STRN3: variants seen among roughly 807,000 people sequenced by gnomAD.
STRN3 encodes striatin-3.
Under a neutral mutation model 95.6 loss-of-function variants are expected in STRN3, and 29 were observed. The observed-to-expected ratio is 0.30, with a 90% CI of 0.23 to 0.41. The LOEUF (loss-of-function observed/expected upper bound fraction) is 0.41. STRN3 is among the 10% of genes least tolerant of loss of function. STRN3 has a pLI of 1.00. For synonymous variants in STRN3, 331 were observed against 357.6 expected (o/e 0.93, Z 0.84); for missense variants, 890 against 972.1 (o/e 0.92, Z 1.12).
chr14:30,971,356 G>A (rs535294001), intron 1 of STRN3, among the ~76,000 whole-genome samples: 10 of 152,112 alleles, frequency 6.6e-5, no homozygotes, highest in Non-Finnish European at 1.3e-4. Context: ...CAACTCTCAC[G>A]TCTATTTAGA....
chr14:30,911,681 T>C (rs2138989075), intron 12 of STRN3, 96 bp downstream of exon 12: 1 of 1,105,378 alleles, frequency 9.0e-7, no homozygotes, highest in Non-Finnish European at 1.3e-6. Flanking sequence ...TCTTTTCTAA[T>C]ACAAAACATT....
chr14:30,950,951 A>G lies in STRN3; in HGVS notation c.461-7T>C. ...TCTGTGTCTTTGGTTTCTTCTAAAA[A>G]TTAAGAAAAAAAAAGTTTTACATAC... On this transcript the variant is annotated splice_polypyrimidine_tract_variant and splice_region_variant and intron_variant, in intron 3 of 17. Transcript: ENST00000357479. The G allele has an allele frequency of 1.2e-6, 2 of 1,607,326 alleles. No homozygotes were observed. The highest frequency in any genetic ancestry group is 1.1e-5 in the South Asian group (1 of 89,472).
chr14:31,004,237 T>C (rs1195231246), intron 1 of STRN3, among the ~76,000 whole-genome samples: 1 of 150,642 alleles, frequency 6.6e-6, no homozygotes, highest in Non-Finnish European at 1.5e-5. Flanking sequence ...CAGTGAACCA[T>C]GATCACACTG....
chr14:30,918,819 T>C, intron 9 of STRN3, 147 bp downstream of exon 9: 1 of 773,932 alleles, frequency 1.3e-6, no homozygotes, highest in Admixed American at 3.3e-5. Context: ...CCTAAATTAG[T>C]TACATCAAGA....
intron 1 of STRN3, among the ~76,000 whole-genome samples, chr14:30,986,312 T>TAA (rs397797005): frequency 2.7e-5 from 3 of 111,322 alleles, no homozygotes; most frequent in Non-Finnish European, 6.0e-5. Context: ...GAGAAATACG[T>TAA]ATTTTTATTT....
chr14:30,994,111 G>A (rs1469683588), intron 1 of STRN3, among the ~76,000 whole-genome samples: 1 of 151,996 alleles, frequency 6.6e-6, no homozygotes, highest in Admixed American at 6.6e-5. Flanking sequence ...CCTGACCTCA[G>A]GTGATCCGCC....
chr14:30,906,554 G>T (rs549789777), intron 14 of STRN3, among the ~76,000 whole-genome samples: 2 of 152,010 alleles, frequency 1.3e-5, no homozygotes, highest in Admixed American at 6.5e-5. Context: ...TGATCCCTTC[G>T]GTCTTTGTGG....
At chr14:30,896,738 T>A (rs1017489481) in intron 16 of STRN3, among the ~76,000 whole-genome samples, 6 of 152,152 alleles carry the variant, frequency 3.9e-5, no homozygotes, top group African/African-American at 1.4e-4. Context: ...AATATAATCA[T>A]TTTACATACT....
Position 31,026,027 on chromosome 14 carries a change from TGCCGCGGGACCCGCTCCCTCGGAG to T in STRN3, c.135_158del (p.Ser46_Ala53del). The T allele has an allele frequency of 6.5e-7, 1 of 1,538,698 alleles. No individual in the cohort carries two copies. The highest frequency in any genetic ancestry group is 8.8e-7 in the Non-Finnish European group (1 of 1,141,940). On this transcript the variant is annotated inframe_deletion, in exon 1 of 18. Coordinates refer to ENST00000357479, the MANE Select transcript of STRN3 (RefSeq NM_001083893.2). ...GCTGCGGCCGGGACAGCTCGGGGCC[TGCCGCGGGACCCGCTCCCTCGGAG>T]GCCGGAGGACCCCCGCCGCCCGCCG...
chr14:30,929,378 C>T lies in STRN3; in HGVS notation c.989-67G>A, dbSNP rs540680291. 1.9e-4 allele frequency: 226 copies of T among 1,165,370 alleles called. 2 individuals carry two copies. In the South Asian group the frequency reaches 2.8e-3, roughly 14 times the overall value. The allele number at this position is 1,165,370 out of a possible 1,614,324, so 72.2% of individuals were successfully genotyped here. On this transcript the variant is annotated intron_variant, in intron 7 of 17. Coordinates refer to ENST00000357479, the MANE Select transcript of STRN3 (RefSeq NM_001083893.2). ...GGCAATGCAAGCTGTTGGCAGTAAA[C>T]TGTTATAGCTTTACATAATCATAAT...
chr14:30,954,018 G>A (rs766112466), intron 3 of STRN3, among the ~76,000 whole-genome samples: 1 of 152,024 alleles, frequency 6.6e-6, no homozygotes, highest in Non-Finnish European at 1.5e-5. Flanking sequence ...CACCAATGTC[G>A]ACGAATTCTA....
intron 5 of STRN3, among the ~76,000 whole-genome samples, chr14:30,945,403 A>C (rs1279984225): frequency 6.6e-6 from 1 of 152,120 alleles, no homozygotes; most frequent in African/African-American, 2.4e-5. Flanking sequence ...GGACTGCTTG[A>C]GCCCAGGAGT....
chr14:31,019,398 G>T (rs933390887), intron 1 of STRN3, among the ~76,000 whole-genome samples: 1 of 152,134 alleles, frequency 6.6e-6, no homozygotes, highest in Non-Finnish European at 1.5e-5. Context: ...ATCATGAGTC[G>T]TTGCTGTTTA....
chr14:30,901,390 AG>A (rs2138950764), intron 16 of STRN3, among the ~76,000 whole-genome samples: 1 of 152,304 alleles, frequency 6.6e-6, no homozygotes, highest in African/African-American at 2.4e-5. Flanking sequence ...TTTGTTAAAA[AG>A]AATCTGTCCA....
chr14:31,018,910 G>A (rs1463643382), intron 1 of STRN3: 1 of 270,764 alleles, frequency 3.7e-6, no homozygotes, highest in Non-Finnish European at 7.2e-6. Flanking sequence ...ATCACCTGAG[G>A]TCGGGAGTTT....
chr14:30,923,988 T>C (rs969232773), intron 8 of STRN3, among the ~76,000 whole-genome samples: 1 of 151,846 alleles, frequency 6.6e-6, no homozygotes, highest in Non-Finnish European at 1.5e-5. Flanking sequence ...CAGCCCAAAA[T>C]TTTTACAAAA....
chr14:30,933,800 T>C (rs1594457868), intron 7 of STRN3, among the ~76,000 whole-genome samples: 1 of 152,176 alleles, frequency 6.6e-6, no homozygotes, highest in East Asian at 1.9e-4. Context: ...ATAAGAAAAT[T>C]GGTGGCAAAA....
intron 13 of STRN3, among the ~76,000 whole-genome samples, chr14:30,907,347 A>T (rs1896491238): frequency 6.6e-6 from 1 of 151,346 alleles, no homozygotes; most frequent in South Asian, 2.1e-4. Flanking sequence ...CAACTCTCTC[A>T]TTTAAAGTGT....
chr14:30,956,470 T>C (rs554808440), intron 1 of STRN3, among the ~76,000 whole-genome samples: 120 of 152,236 alleles, frequency 7.9e-4, no homozygotes, highest in African/African-American at 2.7e-3. Flanking sequence ...CTATGAAACA[T>C]AGTGAGACCT....
Sources: gnomAD v4.1 joint callset for allele counts (sites outside exome capture counted in the v4.1 genomes callset) on GRCh38, gnomAD v4.1.1 for gene constraint, MANE v1.5 for transcripts, NCBI Gene and HGNC (gene_info 2026-07-23, HGNC 2026-07-21) for gene names.